The following CORO1C variants were observed in gnomAD, a reference collection of about 807,000 sequenced individuals.
The protein encoded by CORO1C is coronin 1C, also known as coronin-1C.
Under a neutral mutation model 51.2 loss-of-function variants are expected in CORO1C, and 14 were observed. The observed-to-expected ratio is 0.27, with a 90% CI of 0.18 to 0.43. The LOEUF (loss-of-function observed/expected upper bound fraction) is 0.43. Ranked by LOEUF, CORO1C falls within the 20% of genes least tolerant of loss-of-function variation. CORO1C has a pLI of 1.00. For missense variants in CORO1C, 417 were observed against 607.8 expected, an observed-to-expected ratio of 0.69 and a Z score of 3.30; for synonymous variants, 181 against 210.5, an observed-to-expected ratio of 0.86 and a Z score of 1.21.
At chr12:108,674,845 C>T (rs1392717849) in intron 3 of CORO1C, among the ~76,000 whole-genome samples, 2 of 152,164 alleles carry the variant, frequency 1.3e-5, no homozygotes, top group Non-Finnish European at 2.9e-5. Flanking sequence ...CTCCTGGTAA[C>T]GACGCTGTGA....
Position 108,662,041 on chromosome 12 carries a change from G to C in CORO1C, c.436C>G (p.Leu146Val). 4 of 1,614,128 alleles carry C rather than the reference G, an allele frequency of 2.5e-6. No homozygotes were observed. The highest frequency in any genetic ancestry group is 3.4e-6 in the Non-Finnish European group (4 of 1,180,006). The change falls in exon 4 of 11, where the codon CTT becomes GTT. Residue 146 changes from leucine to valine, a missense_variant. Transcript: ENST00000261401. ...VAWHPTARNV[L>V]LSAGCDNAII... is the part of the protein sequence containing the mutation. ...GCTCAGCTCCCACCTGCACTAAGAAGCACATTGCGGGCCGTTGGATGCCAA... is the reference window on the plus strand; with the variant it reads ...GCTCAGCTCCCACCTGCACTAAGAACCACATTGCGGGCCGTTGGATGCCAA...
At chr12:108,650,023 T>C (rs746036881) in intron 8 of CORO1C, among the ~76,000 whole-genome samples, 1 of 152,158 alleles carries the variant, frequency 6.6e-6, no homozygotes, top group Admixed American at 6.5e-5. Context: ...ACCTGGCAGA[T>C]ACACTGCTCT....
chr12:108,679,109 C>CAAAAAAAAAAAAAAAAAAAAAAACA (rs1183326267), intron 2 of CORO1C, among the ~76,000 whole-genome samples: 2 of 22,160 alleles, frequency 9.0e-5, no homozygotes, highest in African/African-American at 2.9e-4. Context: ...GACTCTGTCT[C>CAAAAAAAAAAAAAAAAAAAAAAACA]AAAAAAAAAA....
intron 1 of CORO1C, among the ~76,000 whole-genome samples, chr12:108,719,173 T>C (rs2035413724): frequency 1.3e-5 from 2 of 152,156 alleles, no homozygotes; most frequent in South Asian, 2.1e-4. Flanking sequence ...GACATCACAA[T>C]AGTAACTAAA....
chr12:108,705,357 G>C (rs1280740300), intron 1 of CORO1C, among the ~76,000 whole-genome samples: 1 of 150,112 alleles, frequency 6.7e-6, no homozygotes, highest in Non-Finnish European at 1.5e-5. Context: ...CTACTAGGGA[G>C]GCTGAGGCAT....
chr12:108,710,320 G>A (rs1207455915), intron 1 of CORO1C, among the ~76,000 whole-genome samples: 1 of 151,966 alleles, frequency 6.6e-6, no homozygotes, highest in African/African-American at 2.4e-5. Flanking sequence ...GGAGGATTAC[G>A]GGCTGCTCTG....
intron 1 of CORO1C, among the ~76,000 whole-genome samples, chr12:108,703,307 C>T (rs1476505695): frequency 6.6e-6 from 1 of 152,106 alleles, no homozygotes; most frequent in African/African-American, 2.4e-5. Context: ...AATTAAAACC[C>T]AACAGAAAAT....
intron 2 of CORO1C, among the ~76,000 whole-genome samples, chr12:108,695,633 A>G (rs1666332097): frequency 6.6e-6 from 1 of 152,206 alleles, no homozygotes; most frequent in African/African-American, 2.4e-5. Context: ...ATGAACAGGA[A>G]GAAAAGACCA....
intron 3 of CORO1C, among the ~76,000 whole-genome samples, chr12:108,672,294 A>T (rs985671754): frequency 2.0e-5 from 3 of 152,220 alleles, no homozygotes; most frequent in Non-Finnish European, 2.9e-5. Context: ...TGAATGTAAC[A>T]GCTATGTGGT....
chr12:108,721,319 C>T (rs1000460406), intron 1 of CORO1C, among the ~76,000 whole-genome samples: 3 of 152,172 alleles, frequency 2.0e-5, no homozygotes, highest in African/African-American at 7.2e-5. Flanking sequence ...TCCCTAATTA[C>T]ACCAGTTCTG....
chr12:108,656,584 C>T (rs1347620981), intron 6 of CORO1C, among the ~76,000 whole-genome samples: 2 of 152,132 alleles, frequency 1.3e-5, no homozygotes, highest in African/African-American at 2.4e-5. Context: ...GCCATGATGA[C>T]GATGGCGGTT....
chr12:108,722,435 C>T (rs1165877460), intron 1 of CORO1C, among the ~76,000 whole-genome samples: 2 of 152,288 alleles, frequency 1.3e-5, no homozygotes, highest in Middle Eastern at 3.4e-3. Context: ...GACCCCTGGA[C>T]GCCACACAGC....
At chr12:108,706,893 T>C (rs952746077) in intron 1 of CORO1C, among the ~76,000 whole-genome samples, 6 of 152,162 alleles carry the variant, frequency 3.9e-5, no homozygotes, top group Non-Finnish European at 8.8e-5. Context: ...CGTATTTTTA[T>C]AAAATCATAA....
chr12:108,698,939 G>A (rs7313667), intron 2 of CORO1C, among the ~76,000 whole-genome samples: 3 of 152,090 alleles, frequency 2.0e-5, no homozygotes, highest in Non-Finnish European at 4.4e-5. Context: ...TGAACCTATC[G>A]ACTATAGAAA....
intron 1 of CORO1C, among the ~76,000 whole-genome samples, chr12:108,718,966 A>C (rs2035408336): frequency 1.3e-5 from 2 of 152,218 alleles, no homozygotes; most frequent in South Asian, 4.1e-4. Flanking sequence ...TAGGGAAGTG[A>C]AGACAAATAA....
chr12:108,648,541 C>T, intron 10 of CORO1C, 64 bp downstream of exon 10: 4 of 1,603,762 alleles, frequency 2.5e-6, no homozygotes, highest in East Asian at 4.5e-5. Context: ...CCCTGGACCA[C>T]AAGGGCTTTC....
Position 108,648,853 on chromosome 12 carries a change from A to G in CORO1C, c.1060-3T>C, listed in dbSNP as rs1343970513. On this transcript the variant is annotated splice_polypyrimidine_tract_variant and splice_region_variant and intron_variant, in intron 9 of 10. Transcript: ENST00000261401. ...AGGTCATCTTGGAAAAGGTCAGACT[A>G]CAAGAGACATTTGGCACCCGTGGGT... The G allele has an allele frequency of 1.2e-6, 2 of 1,614,116 alleles. No individual in the cohort carries two copies. The highest frequency in any genetic ancestry group is 3.3e-5 in the Admixed American group (2 of 60,000).
At chr12:108,697,544 T>C (rs2034727426) in intron 2 of CORO1C, among the ~76,000 whole-genome samples, 1 of 152,196 alleles carries the variant, frequency 6.6e-6, no homozygotes, top group Non-Finnish European at 1.5e-5. Context: ...CAACACCTCA[T>C]GATAAAACTA....
intron 2 of CORO1C, among the ~76,000 whole-genome samples, chr12:108,681,646 G>A (rs985818269): frequency 1.3e-5 from 2 of 152,068 alleles, no homozygotes; most frequent in East Asian, 1.9e-4. Context: ...GCAAACAAAA[G>A]GCACTGCAGA....
Sources: allele counts gnomAD v4.1 joint callset (sites outside exome capture counted in the v4.1 genomes callset), GRCh38; gene constraint gnomAD v4.1.1; transcripts MANE v1.5; gene names NCBI Gene and HGNC (gene_info 2026-07-23, HGNC 2026-07-21).